Variants in ERBB4 observed in about 807,000 individuals in gnomAD.
ERBB4 encodes receptor tyrosine-protein kinase erbB-4.
A neutral mutation model predicts 158.0 loss-of-function variants in ERBB4; 42 were observed. The ratio of observed to expected loss-of-function variants is 0.27; its 90% CI spans 0.21 to 0.34. The LOEUF (loss-of-function observed/expected upper bound fraction) is 0.34, where lower values mean the gene tolerates loss of function less well. ERBB4 is among the 10% of genes least tolerant of loss of function. The pLI is 1.00. For synonymous variants in ERBB4, 583 were observed against 558.7 expected, an observed-to-expected ratio of 1.04 and a Z score of -0.61; for missense variants, 1,333 against 1,624.1, an observed-to-expected ratio of 0.82 and a Z score of 3.08.
chr2:211,437,790 G>T (rs1365534575), intron 20 of ERBB4, among the ~76,000 whole-genome samples: 1 of 151,848 alleles, frequency 6.6e-6, no homozygotes, highest in African/African-American at 2.4e-5. Context: ...TGAAGCTTTC[G>T]TAATAACAGG....
chr2:211,940,580 T>C (rs985991287), intron 3 of ERBB4, among the ~76,000 whole-genome samples: 4 of 152,116 alleles, frequency 2.6e-5, no homozygotes, highest in Non-Finnish European at 5.9e-5. Context: ...TAATATTTTC[T>C]AAAGGATGCT....
chr2:212,167,298 CAAAAG>C (rs886592496), intron 1 of ERBB4, among the ~76,000 whole-genome samples: 8 of 152,014 alleles, frequency 5.3e-5, no homozygotes, highest in Non-Finnish European at 4.4e-5. Context: ...AGACACTTCT[CAAAAG>C]AAGATATTTA....
At chr2:211,460,461 A>G (rs1683221992) in intron 20 of ERBB4, among the ~76,000 whole-genome samples, 1 of 152,192 alleles carries the variant, frequency 6.6e-6, no homozygotes, top group Non-Finnish European at 1.5e-5. Flanking sequence ...GAGTGGGTTA[A>G]TAACCATAAT....
At chr2:211,828,498 C>G (rs2077151803) in intron 3 of ERBB4, among the ~76,000 whole-genome samples, 1 of 152,082 alleles carries the variant, frequency 6.6e-6, no homozygotes, top group Admixed American at 6.6e-5. Flanking sequence ...CAGAGATGGA[C>G]TCAAATCAGA....
chr2:211,933,330 T>C (rs918913771), intron 3 of ERBB4, among the ~76,000 whole-genome samples: 54 of 152,184 alleles, frequency 3.5e-4, no homozygotes, highest in African/African-American at 1.2e-3. Flanking sequence ...ATTCTATATT[T>C]CTACCCATGC....
intron 9 of ERBB4, among the ~76,000 whole-genome samples, chr2:211,711,165 T>C (rs998283187): frequency 6.6e-6 from 1 of 152,112 alleles, no homozygotes; most frequent in African/African-American, 2.4e-5. Flanking sequence ...ATAATACATA[T>C]AATAATTGAT....
At chr2:212,162,183 G>A (rs192653992) in intron 1 of ERBB4, among the ~76,000 whole-genome samples, 9 of 151,694 alleles carry the variant, frequency 5.9e-5, no homozygotes, top group Admixed American at 1.3e-4. Flanking sequence ...ATAAATCAAA[G>A]GGAAAATTAA....
At chr2:212,479,267 GC>G (rs989806422) in intron 1 of ERBB4, among the ~76,000 whole-genome samples, 10 of 152,020 alleles carry the variant, frequency 6.6e-5, no homozygotes, top group African/African-American at 2.4e-4. Context: ...CCTCTTTAAA[GC>G]CCCCAATTCC....
chr2:211,428,495 T>G lies in ERBB4; in HGVS notation c.2644-12A>C. 6.9e-7 allele frequency: 1 copy of G among 1,446,060 alleles called. No homozygotes were observed. Among genetic ancestry groups the G allele is most frequent in the East Asian group, 2.3e-5 (1 of 43,866 alleles). The allele number at this position is 1,446,060 out of a possible 1,614,324, so 89.6% of individuals were successfully genotyped here. ...CATTTAATTGGCATCTATAGAGAAG[T>G]AAGAAGTAAAAGTTTTAAAATTACA... is the stretch of plus-strand genomic sequence containing the variant. On this transcript the variant is annotated splice_polypyrimidine_tract_variant and intron_variant, in intron 21 of 27. Coordinates refer to ENST00000342788, the MANE Select transcript of ERBB4 (RefSeq NM_005235.3).
intron 1 of ERBB4, among the ~76,000 whole-genome samples, chr2:212,191,779 T>C (rs1234577853): frequency 7.6e-6 from 1 of 130,906 alleles, no homozygotes; most frequent in East Asian, 2.1e-4. Flanking sequence ...ATATAACACG[T>C]GTGTTATATG....
chr2:212,503,288 A>G (rs979363305), intron 1 of ERBB4, among the ~76,000 whole-genome samples: 1 of 152,320 alleles, frequency 6.6e-6, no homozygotes, highest in South Asian at 2.1e-4. Flanking sequence ...ACCAAATCAA[A>G]ATATGATGTT....
At chr2:211,799,719 A>T (rs1284852534) in intron 3 of ERBB4, among the ~76,000 whole-genome samples, 3 of 152,190 alleles carry the variant, frequency 2.0e-5, no homozygotes, top group Non-Finnish European at 4.4e-5. Context: ...AAAATGAGTT[A>T]TCATATGTAT....
At position 211,727,630 on chromosome 2, in the gene ERBB4, T is replaced by C. The variant is rs76025548; in HGVS notation, c.623-2436A>G. Among the ~76,000 whole-genome samples the C allele has an allele frequency of 8.4e-4, 128 of 152,202 alleles. 2 individuals are homozygous for C. In the East Asian group the frequency reaches 0.021, roughly 25 times the overall value. ...TATTAAAATACTAGGATTTAAATGC[T>C]CCTTAAATTCTGCTGTTGATTAGTT... is the stretch of plus-strand genomic sequence containing the variant. On this transcript the variant is annotated intron_variant, in intron 5 of 27. Coordinates refer to ENST00000342788, the MANE Select transcript of ERBB4 (RefSeq NM_005235.3).
chr2:212,046,948 A>G lies in ERBB4; in HGVS notation c.234+77804T>C, dbSNP rs145930244. ...ACCTTGGATATACTGATTATATGCCATTTTCTTTTCCCAATTTGGAAGCTT... is the reference window on the plus strand; with the variant it reads ...ACCTTGGATATACTGATTATATGCCGTTTTCTTTTCCCAATTTGGAAGCTT... On this transcript the variant is annotated intron_variant, in intron 2 of 27. Transcript: ENST00000342788. Among the ~76,000 whole-genome samples, 68 of 152,246 alleles carry G rather than the reference A, an allele frequency of 4.5e-4. No homozygotes were observed. In the East Asian group the frequency reaches 0.013, roughly 29 times the overall value.
Position 212,425,323 on chromosome 2 carries a change from G to T in ERBB4, c.82+113126C>A, listed in dbSNP as rs777552081. Among the ~76,000 whole-genome samples, 207 of 117,392 alleles carry T rather than the reference G, an allele frequency of 1.8e-3. 3 individuals carry two copies. The highest frequency in any genetic ancestry group is 4.9e-3 in the Middle Eastern group (1 of 206). 77.0% of individuals were successfully genotyped at this position (117,392 alleles called of 152,430 possible). On this transcript the variant is annotated intron_variant, in intron 1 of 27. Coordinates refer to ENST00000342788, the MANE Select transcript of ERBB4 (RefSeq NM_005235.3). ...TATAATATATAATATATATGTGTTG[G>T]ATAAATATATAAGGATACATATATA...
At chr2:211,658,477 C>T (rs2071302518) in intron 15 of ERBB4, among the ~76,000 whole-genome samples, 1 of 152,098 alleles carries the variant, frequency 6.6e-6, no homozygotes, top group Admixed American at 6.5e-5. Context: ...GAAAATGAGT[C>T]AACATGCTTT....
chr2:212,488,243 C>G (rs544047158), intron 1 of ERBB4, among the ~76,000 whole-genome samples: 1 of 152,184 alleles, frequency 6.6e-6, no homozygotes, highest in South Asian at 2.1e-4. Context: ...TGCAACTCCT[C>G]TCTTGGCTTC....
chr2:211,867,227 A>C (rs758151736), intron 3 of ERBB4, among the ~76,000 whole-genome samples: 2 of 152,146 alleles, frequency 1.3e-5, no homozygotes, highest in Non-Finnish European at 2.9e-5. Context: ...TGTATCTGCT[A>C]TTCACTTTAC....
intron 3 of ERBB4, among the ~76,000 whole-genome samples, chr2:211,929,793 C>T (rs911863317): frequency 1.3e-5 from 2 of 152,078 alleles, no homozygotes; most frequent in African/African-American, 2.4e-5. Flanking sequence ...ATATTATACT[C>T]ATATAGACAT....
Sources: gnomAD v4.1 joint callset for allele counts (sites outside exome capture counted in the v4.1 genomes callset) on GRCh38, gnomAD v4.1.1 for gene constraint, MANE v1.5 for transcripts, NCBI Gene and HGNC (gene_info 2026-07-23, HGNC 2026-07-21) for gene names.